The following LRRC4C variants were observed in gnomAD, a reference collection of about 807,000 sequenced individuals.
LRRC4C encodes the protein leucine-rich repeat-containing protein 4C.
LRRC4C carries 5 observed loss-of-function variants against 33.6 expected under a neutral mutation model. The ratio of observed to expected loss-of-function variants is 0.15; its 90% CI spans 0.08 to 0.31. LRRC4C has a LOEUF of 0.31. Among genes scored for constraint, LRRC4C ranks in the 10% least tolerant of loss-of-function variants. The pLI is 1.00. For synonymous variants in LRRC4C, 329 were observed against 302.0 expected (o/e 1.09, Z -0.93); for missense variants, 560 against 796.7 (o/e 0.70, Z 3.58).
intron 3 of LRRC4C, among the ~76,000 whole-genome samples, chr11:40,354,746 TG>T (rs1342950448): frequency 6.6e-6 from 1 of 152,076 alleles, no homozygotes; most frequent in Non-Finnish European, 1.5e-5. Flanking sequence ...GGCTTCCCTG[TG>T]GCCCCGAGTG....
At chr11:40,967,509 C>A (rs1851446518) in intron 1 of LRRC4C, among the ~76,000 whole-genome samples, 1 of 151,970 alleles carries the variant, frequency 6.6e-6, no homozygotes, top group South Asian at 2.1e-4. Flanking sequence ...CTATCAGTAC[C>A]ATTTTTCCAA....
intron 2 of LRRC4C, among the ~76,000 whole-genome samples, chr11:40,911,660 C>T (rs572982045): frequency 6.6e-5 from 10 of 152,312 alleles, no homozygotes; most frequent in African/African-American, 1.2e-4. Context: ...CAAAGGAATG[C>T]GGCTCCTCAC....
At chr11:40,908,572 T>C (rs1018163490) in intron 2 of LRRC4C, among the ~76,000 whole-genome samples, 3 of 151,862 alleles carry the variant, frequency 2.0e-5, no homozygotes, top group African/African-American at 7.2e-5. Context: ...CCGAAGAAGG[T>C]TCATTTGGAA....
At chr11:40,916,026 T>C (rs1445665825) in intron 2 of LRRC4C, among the ~76,000 whole-genome samples, 2 of 152,078 alleles carry the variant, frequency 1.3e-5, no homozygotes, top group African/African-American at 4.8e-5. Context: ...AGAATGGCAA[T>C]CATTAAAAAG....
chr11:40,323,514 A>G (rs1411309172), intron 3 of LRRC4C, among the ~76,000 whole-genome samples: 5 of 152,192 alleles, frequency 3.3e-5, no homozygotes, highest in Non-Finnish European at 5.9e-5. Context: ...GCCGATTTTC[A>G]GACTGATGAA....
intron 1 of LRRC4C, among the ~76,000 whole-genome samples, chr11:41,324,945 A>G (rs1951064612): frequency 6.6e-6 from 1 of 152,230 alleles, no homozygotes; most frequent in East Asian, 1.9e-4. Context: ...AAGCACATGC[A>G]TAGTGTATAG....
intron 3 of LRRC4C, among the ~76,000 whole-genome samples, chr11:40,482,530 C>A (rs912197562): frequency 1.3e-5 from 2 of 151,802 alleles, no homozygotes; most frequent in Non-Finnish European, 2.9e-5. Flanking sequence ...GTGCAATGGC[C>A]CAGTGTCAGC....
At chr11:40,249,757 C>T (rs1021673074) in intron 4 of LRRC4C, among the ~76,000 whole-genome samples, 17 of 151,966 alleles carry the variant, frequency 1.1e-4, no homozygotes, top group Admixed American at 2.6e-4. Flanking sequence ...AGGACTCTCT[C>T]GCTTTTTTTT....
intron 1 of LRRC4C, among the ~76,000 whole-genome samples, chr11:41,002,445 A>C (rs1854451836): frequency 6.6e-6 from 1 of 152,160 alleles, no homozygotes; most frequent in Non-Finnish European, 1.5e-5. Flanking sequence ...TCTCAAGGGA[A>C]GCCAGGTTTC....
intron 1 of LRRC4C, among the ~76,000 whole-genome samples, chr11:41,382,761 C>A (rs995578295): frequency 6.6e-6 from 1 of 152,026 alleles, no homozygotes; most frequent in Admixed American, 6.6e-5. Context: ...ACCAGGATGG[C>A]TAACTAGTAG....
chr11:40,649,371 A>T (rs2136136593), intron 2 of LRRC4C, among the ~76,000 whole-genome samples: 1 of 152,274 alleles, frequency 6.6e-6, no homozygotes, highest in African/African-American at 2.4e-5. Context: ...CTAGGAAAAG[A>T]ATTTAGCAAT....
intron 1 of LRRC4C, among the ~76,000 whole-genome samples, chr11:41,269,096 T>G (rs764199180): frequency 3.3e-5 from 5 of 152,096 alleles, no homozygotes; most frequent in Admixed American, 2.0e-4. Flanking sequence ...TAAAGCCTGA[T>G]GATATCTTGG....
At chr11:41,454,822 T>A (rs1025251250) in intron 1 of LRRC4C, among the ~76,000 whole-genome samples, 3 of 152,130 alleles carry the variant, frequency 2.0e-5, no homozygotes, top group African/African-American at 7.2e-5. Context: ...ACCCCCTGTA[T>A]AAAAATATAA....
intron 2 of LRRC4C, among the ~76,000 whole-genome samples, chr11:40,664,989 T>C (rs1943641900): frequency 6.8e-6 from 1 of 146,472 alleles, no homozygotes; most frequent in African/African-American, 2.5e-5. Context: ...GTGATCTCAT[T>C]GTTCAATTCC....
At chr11:40,838,780 G>C (rs1406804659) in intron 2 of LRRC4C, among the ~76,000 whole-genome samples, 3 of 151,700 alleles carry the variant, frequency 2.0e-5, no homozygotes, top group Admixed American at 6.6e-5. Context: ...CCTTGGAAAG[G>C]TAGTAAGAAT....
intron 3 of LRRC4C, among the ~76,000 whole-genome samples, chr11:40,329,414 C>T (rs1269230426): frequency 6.6e-6 from 1 of 152,152 alleles, no homozygotes; most frequent in Non-Finnish European, 1.5e-5. Flanking sequence ...CCACGTGAGT[C>T]ATGCTGGAAG....
chr11:40,258,031 A>T (rs573100477), intron 4 of LRRC4C, among the ~76,000 whole-genome samples: 2 of 152,306 alleles, frequency 1.3e-5, no homozygotes, highest in South Asian at 4.1e-4. Flanking sequence ...CTAAAATTAC[A>T]AGGTGGGCTG....
chr11:40,706,670 T>C (rs1946183204), intron 2 of LRRC4C, among the ~76,000 whole-genome samples: 1 of 152,214 alleles, frequency 6.6e-6, no homozygotes, highest in South Asian at 2.1e-4. Context: ...TTCTTTTGGC[T>C]TAGGATTGTC....
At chr11:41,004,217 G>A (rs1854575592) in intron 1 of LRRC4C, among the ~76,000 whole-genome samples, 1 of 152,082 alleles carries the variant, frequency 6.6e-6, no homozygotes. Context: ...ACTTACTCCC[G>A]GTCTTAGGCA....
Sources: gnomAD v4.1 joint callset for allele counts (sites outside exome capture counted in the v4.1 genomes callset) on GRCh38, gnomAD v4.1.1 for gene constraint, MANE v1.5 for transcripts, NCBI Gene and HGNC (gene_info 2026-07-23, HGNC 2026-07-21) for gene names.